The following NCKAP5 variants were observed in gnomAD, a reference collection of about 807,000 sequenced individuals.
The protein encoded by NCKAP5 is NCK associated protein 5, also known as nck-associated protein 5.
In NCKAP5, 92 loss-of-function variants were observed where a neutral mutation model predicts 167.0. The ratio of observed to expected loss-of-function variants is 0.55; its 90% confidence interval spans 0.47 to 0.66. The LOEUF is 0.66. Among genes scored for constraint, NCKAP5 ranks in the 30% least tolerant of loss-of-function variants. NCKAP5 has a pLI of 0.00. For synonymous variants in NCKAP5, 891 were observed against 877.4 expected, an observed-to-expected ratio of 1.02 and a Z score of -0.27; for missense variants, 2,378 against 2,315.0, an observed-to-expected ratio of 1.03 and a Z score of -0.56.
At chr2:133,310,949 C>G (rs1055346351) in intron 3 of NCKAP5, among the ~76,000 whole-genome samples, 1 of 152,236 alleles carries the variant, frequency 6.6e-6, no homozygotes, top group Admixed American at 6.5e-5. Flanking sequence ...TCCTCTCATA[C>G]ACCACTCAAT....
rs185869717 is a variant in NCKAP5, at chr2:132,821,532, C to T, written c.808-24803G>A. 1.4e-3 allele frequency among the ~76,000 whole-genome samples: 212 copies of T among 152,274 alleles called. 1 individual carries two copies. The highest frequency in any genetic ancestry group is 4.8e-3 in the African/African-American group (201 of 41,562). ...GTGGTTTCAACTGGGCACAAATTCT[C>T]TTGAGTGGAGTCCAGGGGACCAGCA... On this transcript the variant is annotated intron_variant, in intron 11 of 19. Coordinates refer to ENST00000409261, the MANE Select transcript of NCKAP5 (RefSeq NM_207363.3).
intron 19 of NCKAP5, among the ~76,000 whole-genome samples, chr2:132,688,588 G>A (rs1211867110): frequency 1.3e-5 from 2 of 152,136 alleles, no homozygotes; most frequent in Non-Finnish European, 2.9e-5. Flanking sequence ...AAATGGGGAG[G>A]TGAGGACCAT....
chr2:133,428,886 A>C (rs1300878785), intron 3 of NCKAP5, among the ~76,000 whole-genome samples: 1 of 152,182 alleles, frequency 6.6e-6, no homozygotes, highest in Non-Finnish European at 1.5e-5. Context: ...TGTTATTAAA[A>C]GTGTTGGGAA....
At chr2:133,625,448 A>G in the NCKAP5 span, among the ~76,000 whole-genome samples, 1 of 151,404 alleles carries the variant, frequency 6.6e-6, no homozygotes. Flanking sequence ...TAAATGAATG[A>G]TCCCAGTGCG....
chr2:132,776,112 T>C (rs983298567), intron 15 of NCKAP5, among the ~76,000 whole-genome samples: 3 of 152,228 alleles, frequency 2.0e-5, no homozygotes, highest in Non-Finnish European at 4.4e-5. Context: ...TCCTATTCAT[T>C]GCTATAATTC....
the NCKAP5 span, among the ~76,000 whole-genome samples, chr2:133,658,968 C>A: frequency 2.0e-5 from 3 of 152,058 alleles, no homozygotes; most frequent in Admixed American, 2.0e-4. Flanking sequence ...TTGCTTGACA[C>A]TGACAGCTCC....
At chr2:132,771,839 A>ATTTTTTTTTTTTTTT (rs70973406) in intron 16 of NCKAP5, among the ~76,000 whole-genome samples, 7 of 100,766 alleles carry the variant, frequency 6.9e-5, no homozygotes, top group African/African-American at 7.8e-5. Flanking sequence ...CGCCCGGCTA[A>ATTTTTTTTTTTTTTT]TTTTTTTTTT....
At chr2:133,359,640 C>A (rs574424227) in intron 3 of NCKAP5, among the ~76,000 whole-genome samples, 1 of 152,212 alleles carries the variant, frequency 6.6e-6, no homozygotes, top group Admixed American at 6.5e-5. Flanking sequence ...TTTAGTGCAA[C>A]CAGTTCAATT....
At position 133,291,025 on chromosome 2, in the gene NCKAP5, C is replaced by T. The variant is rs1679559109; in HGVS notation, c.143+12012G>A. On this transcript the variant is annotated intron_variant, in intron 4 of 19. Transcript: ENST00000409261. ...GTGAGCCACCATGCTTGGACAGTTTCTCCTCTTGAATCATCAACAGTCCCT... is the reference window on the plus strand; with the variant it reads ...GTGAGCCACCATGCTTGGACAGTTTTTCCTCTTGAATCATCAACAGTCCCT... 2.0e-5 allele frequency among the ~76,000 whole-genome samples: 3 copies of T among 152,088 alleles called. No individual in the cohort carries two copies. In the South Asian group the frequency reaches 6.2e-4, roughly 31 times the overall value.
At chr2:132,675,490 C>G (rs935437068) in intron 19 of NCKAP5, among the ~76,000 whole-genome samples, 2 of 152,102 alleles carry the variant, frequency 1.3e-5, no homozygotes, top group Non-Finnish European at 2.9e-5. Context: ...TCAACAACAC[C>G]AAGGAGCTTC....
intron 11 of NCKAP5, among the ~76,000 whole-genome samples, chr2:132,859,878 T>C (rs1011201577): frequency 3.9e-5 from 6 of 152,168 alleles, no homozygotes; most frequent in Non-Finnish European, 7.4e-5. Flanking sequence ...TATTCTCTAG[T>C]GCTTTGTCAG....
intron 5 of NCKAP5, among the ~76,000 whole-genome samples, chr2:133,211,710 T>A (rs919623622): frequency 2.6e-4 from 40 of 152,220 alleles, no homozygotes; most frequent in Non-Finnish European, 5.1e-4. Context: ...ATGGTTTTTT[T>A]ATAAACATTT....
chr2:133,606,211 A>G, the NCKAP5 span, among the ~76,000 whole-genome samples: 1 of 152,226 alleles, frequency 6.6e-6, no homozygotes, highest in African/African-American at 2.4e-5. Context: ...GCTCTATGAA[A>G]AAATAATACC....
chr2:132,725,941 A>G (rs1377986511), intron 18 of NCKAP5, among the ~76,000 whole-genome samples, 182 bp from the exon 19 acceptor site: 1 of 152,098 alleles, frequency 6.6e-6, no homozygotes, highest in African/African-American at 2.4e-5. Context: ...CTGCCTCCTG[A>G]GGAGCTGATG....
intron 4 of NCKAP5, among the ~76,000 whole-genome samples, chr2:133,293,017 CT>C (rs1679711792): frequency 6.6e-6 from 1 of 152,158 alleles, no homozygotes; most frequent in Non-Finnish European, 1.5e-5. Context: ...AATTCTGCTC[CT>C]AATCAAGCCT....
At chr2:133,667,212 C>T in the NCKAP5 span, among the ~76,000 whole-genome samples, 6 of 151,862 alleles carry the variant, frequency 4.0e-5, no homozygotes, top group African/African-American at 1.5e-4. Context: ...GAAATGAGAA[C>T]ATGTTCCAAA....
chr2:133,063,690 A>C (rs922347386), intron 6 of NCKAP5, among the ~76,000 whole-genome samples: 1 of 152,150 alleles, frequency 6.6e-6, no homozygotes, highest in African/African-American at 2.4e-5. Flanking sequence ...CCTTATACCC[A>C]GGGAGGCCTC....
intron 11 of NCKAP5, among the ~76,000 whole-genome samples, chr2:132,857,098 G>A (rs1314912156): frequency 6.6e-6 from 1 of 151,956 alleles, no homozygotes; most frequent in Non-Finnish European, 1.5e-5. Flanking sequence ...CTATGTATTT[G>A]GTAAGTGACA....
intron 4 of NCKAP5, among the ~76,000 whole-genome samples, chr2:133,246,147 G>A (rs2087978893): frequency 6.6e-6 from 1 of 152,018 alleles, no homozygotes; most frequent in Non-Finnish European, 1.5e-5. Context: ...CAGGGAGGGA[G>A]GCTGTAGGGG....
Sources: allele counts gnomAD v4.1 joint callset (sites outside exome capture counted in the v4.1 genomes callset), GRCh38; gene constraint gnomAD v4.1.1; transcripts MANE v1.5; gene names NCBI Gene and HGNC (gene_info 2026-07-23, HGNC 2026-07-21).